Variants in AP4E1 observed in about 807,000 individuals in gnomAD.
AP4E1 encodes the protein AP-4 complex subunit epsilon-1.
A neutral mutation model predicts 128.2 loss-of-function variants in AP4E1; 56 were observed. The ratio of observed to expected loss-of-function variants is 0.44; its 90% CI spans 0.35 to 0.55. AP4E1 has a LOEUF of 0.55. AP4E1 is among the 20% of genes least tolerant of loss of function. The pLI, the probability that AP4E1 is intolerant of heterozygous loss-of-function variation, is 0.00. For missense variants in AP4E1, 1,324 were observed against 1,307.7 expected, an observed-to-expected ratio of 1.01 and a Z score of -0.19; for synonymous variants, 484 against 473.1, an observed-to-expected ratio of 1.02 and a Z score of -0.30.
chr15:50,908,925 G>T lies in AP4E1; in HGVS notation c.147G>T (p.Lys49Asn). 1.2e-6 allele frequency: 2 copies of T among 1,610,794 alleles called. No homozygotes were observed. The highest frequency in any genetic ancestry group is 1.3e-5 in the African/African-American group (1 of 75,032). Residue 49 changes from lysine to asparagine, a missense_variant, in exon 1 of 21, where the codon AAG (lysine) becomes AAT (asparagine). Lys to Asn is a moderately conservative substitution (Grantham distance 94, BLOSUM62 0). Coordinates refer to ENST00000261842, the MANE Select transcript of AP4E1 (RefSeq NM_007347.5). The part of the protein sequence containing the change: ...LVRGITALTS[K>N]HEEEKLIQQE... ...GCGGCATCACAGCCCTCACCTCCAA[G>T]CACGTAGGTGCCCGCCGGCCCGGGA...
intron 5 of AP4E1, among the ~76,000 whole-genome samples, 192 bp from the exon 6 acceptor site, chr15:50,928,817 C>T (rs1451960960): frequency 6.6e-6 from 1 of 150,952 alleles, no homozygotes; most frequent in Non-Finnish European, 1.5e-5. Flanking sequence ...TGAGACCTTA[C>T]TTCCTAGAGG....
chr15:50,909,014 G>T (rs1156268134), intron 1 of AP4E1, 86 bp downstream of exon 1: 1 of 1,573,348 alleles, frequency 6.4e-7, no homozygotes, highest in Non-Finnish European at 8.6e-7. Context: ...GAGACTTCAG[G>T]GCCTCTGGGG....
rs1421801323 is a variant in AP4E1 at position 50,977,770 on chromosome 15, C to T, written c.1967-6252C>T. ...TTGTCCAGGCTGGAGTGCAGTGTTG[C>T]AATCTTTTGGCTCACTGCAACCTCC... is the stretch of plus-strand genomic sequence containing the variant. On this transcript the variant is annotated intron_variant, in intron 15 of 20. Transcript: ENST00000261842. Among the ~76,000 whole-genome samples, 3 of 137,150 alleles carry T rather than the reference C, an allele frequency of 2.2e-5. No individual in the cohort carries two copies. In the Admixed American group the frequency reaches 2.3e-4, roughly 11 times the overall value. 90.0% of individuals were successfully genotyped at this position (137,150 alleles called of 152,430 possible).
At chr15:50,991,347 A>G (rs1426292363) in intron 16 of AP4E1, among the ~76,000 whole-genome samples, 1 of 152,044 alleles carries the variant, frequency 6.6e-6, no homozygotes, top group Non-Finnish European at 1.5e-5. Flanking sequence ...TTTTTTTGTA[A>G]ATAAAGGTAA....
Position 50,915,579 on chromosome 15 carries a change from T to TAAATAAACA in AP4E1, c.346+8_346+9insAAATAAACA, listed in dbSNP as rs1294360937. On this transcript the variant is annotated intron_variant, in intron 3 of 20. Coordinates refer to ENST00000261842, the MANE Select transcript of AP4E1 (RefSeq NM_007347.5). ...TCTTAGAAAAAAGAGTAGGTATGTA[T>TAAATAAACA]GTGTTTTAAGACTTTGATGCTTTCA... is the stretch of plus-strand genomic sequence containing the variant. 6.2e-7 allele frequency: 1 copy of TAAATAAACA among 1,613,446 alleles called. No individual in the cohort carries two copies. The highest frequency in any genetic ancestry group is 1.1e-5 in the South Asian group (1 of 91,072).
At chr15:50,932,397 C>T (rs760280571) in intron 7 of AP4E1, among the ~76,000 whole-genome samples, 16 of 152,310 alleles carry the variant, frequency 1.1e-4, no homozygotes, top group South Asian at 1.0e-3. Flanking sequence ...CTATCATTCT[C>T]ATTCTCTGTG....
chr15:50,924,012 A>G lies in AP4E1; in HGVS notation c.420+8A>G, dbSNP rs779014673. On this transcript the variant is annotated splice_region_variant and intron_variant, in intron 4 of 20. Transcript: ENST00000261842. ...GTGAATACAGTTGTAAAGGTATTGT[A>G]TTGTATGTTGGTTAATATGAAGTCA... is the stretch of plus-strand genomic sequence containing the variant. 44 of 1,595,858 alleles carry G rather than the reference A, an allele frequency of 2.8e-5. No homozygotes were observed. The African/African-American group carries it at 5.4e-4, about 19-fold the overall frequency.
At chr15:50,925,988 C>G (rs2063765311) in intron 5 of AP4E1, among the ~76,000 whole-genome samples, 1 of 151,822 alleles carries the variant, frequency 6.6e-6, no homozygotes. Flanking sequence ...AGAATGTTTC[C>G]AAGCTTAATT....
intron 14 of AP4E1, among the ~76,000 whole-genome samples, chr15:50,962,317 AAG>A (rs1313416282): frequency 2.6e-5 from 4 of 152,098 alleles, no homozygotes; most frequent in African/African-American, 9.7e-5. Flanking sequence ...ACTAAGCAAA[AAG>A]AACAAAGCTG....
intron 14 of AP4E1, among the ~76,000 whole-genome samples, chr15:50,967,345 A>G (rs994266722): frequency 2.6e-5 from 4 of 152,232 alleles, no homozygotes; most frequent in African/African-American, 9.6e-5. Flanking sequence ...TAGGCATGAT[A>G]TAATCACAAG....
rs549084017 is a variant in AP4E1, at chr15:50,968,196, A to T, written c.1852-67A>T. 3.1e-4 allele frequency: 318 copies of T among 1,038,042 alleles called. 4 individuals carry two copies. In the South Asian group the frequency reaches 3.6e-3, roughly 12 times the overall value. The allele number at this position is 1,038,042 out of a possible 1,614,324, so 64.3% of individuals were successfully genotyped here. On this transcript the variant is annotated intron_variant, in intron 14 of 20. Coordinates refer to ENST00000261842, the MANE Select transcript of AP4E1 (RefSeq NM_007347.5). ...AAATATATATGGGCTGAAATTATTT[A>T]TGTGACTATATAATCTACTTAGGAT... is the stretch of plus-strand genomic sequence containing the variant.
rs148654358 is a variant in AP4E1, at chr15:50,997,520, T to C, written c.2541T>C (p.Ser847=). The stretch of plus-strand genomic sequence containing the variant: ...GAGACAAGGAATTAAAGAAATTTTC[T>C]CTCACTTCAGAACTTTTGGATTCTG... ...DTGDKELKKF[S]LTSELLDSES... is the part of the protein sequence containing the mutation. Residue 847 remains serine (S), a synonymous_variant, in exon 18 of 21, where the codon TCT becomes TCC. Transcript: ENST00000261842. 1.9e-5 allele frequency: 31 copies of C among 1,613,962 alleles called. No individual in the cohort carries two copies. The African/African-American group carries it at 3.9e-4, about 20-fold the overall frequency.
chr15:50,965,377 A>G (rs2064378330), intron 14 of AP4E1, among the ~76,000 whole-genome samples: 1 of 152,192 alleles, frequency 6.6e-6, no homozygotes. Flanking sequence ...TGGCAGTGGC[A>G]GGATTGGGTG....
chr15:50,908,952 C>G (rs1403727134), intron 1 of AP4E1, 24 bp downstream of exon 1: 2 of 1,609,766 alleles, frequency 1.2e-6, no homozygotes, highest in Non-Finnish European at 1.7e-6. Context: ...GGCCCGGGAG[C>G]TCAGGGACAT....
At chr15:50,909,886 C>T (rs2063543054) in intron 1 of AP4E1, among the ~76,000 whole-genome samples, 1 of 152,200 alleles carries the variant, frequency 6.6e-6, no homozygotes, top group Non-Finnish European at 1.5e-5. Context: ...GGGGTTTCAC[C>T]GTGTTAGCGA....
chr15:50,933,560 A>G (rs79233022), intron 7 of AP4E1, among the ~76,000 whole-genome samples: 7,285 of 152,062 alleles, frequency 0.048, 179 homozygotes, highest in African/African-American at 0.076. Context: ...ATCTAGGTAT[A>G]ATATTACCAA....
At position 50,999,193 on chromosome 15, in the gene AP4E1, A is replaced by G. The variant is rs750060118; in HGVS notation, c.3026A>G (p.Tyr1009Cys). ...GGAAATCTTACTGGTTTTATTAGTT[A>G]TCATATGATGGATACTCATTCTGCT... Reference protein sequence around the residue: ...TEGNLTGFISYHMMDTHSAQL... With the variant: ...TEGNLTGFISCHMMDTHSAQL... The change falls in exon 19 of 21, where the codon TAT becomes TGT. Residue 1009 changes from tyrosine to cysteine, a missense_variant. Tyr to Cys is a radical substitution (Grantham distance 194). Transcript: ENST00000261842. The G allele has an allele frequency of 6.2e-7, 1 of 1,613,602 alleles. No individual in the cohort carries two copies. The highest frequency in any genetic ancestry group is 8.5e-7 in the Non-Finnish European group (1 of 1,179,740).
chr15:50,971,419 A>G (rs2064476204), intron 15 of AP4E1, among the ~76,000 whole-genome samples: 1 of 152,114 alleles, frequency 6.6e-6, no homozygotes, highest in African/African-American at 2.4e-5. Flanking sequence ...AATGTGCCAC[A>G]AAAAGGACCT....
chr15:50,936,014 A>G (rs1373992498), intron 8 of AP4E1, among the ~76,000 whole-genome samples: 1 of 152,218 alleles, frequency 6.6e-6, no homozygotes, highest in Non-Finnish European at 1.5e-5. Context: ...TGTGTTTTAA[A>G]CTAGGTGCGG....
Sources: gnomAD v4.1 joint callset for allele counts (sites outside exome capture counted in the v4.1 genomes callset) on GRCh38, gnomAD v4.1.1 for gene constraint, MANE v1.5 for transcripts, NCBI Gene and HGNC (gene_info 2026-07-23, HGNC 2026-07-21) for gene names.